FGF14: variants seen among roughly 807,000 people sequenced by gnomAD.
FGF14 encodes fibroblast growth factor homologous factor 4.
A neutral mutation model predicts 25.5 loss-of-function variants in FGF14; 5 were observed. The observed-to-expected ratio is 0.20, with a 90% confidence interval of 0.10 to 0.41. The LOEUF (loss-of-function observed/expected upper bound fraction) is 0.41, where lower values mean the gene tolerates loss of function less well. Among genes scored for constraint, FGF14 ranks in the 10% least tolerant of loss-of-function variants. The pLI, the probability that FGF14 is intolerant of heterozygous loss-of-function variation, is 1.00. For missense variants in FGF14, 222 were observed against 320.1 expected (o/e 0.69, Z 2.34); for synonymous variants, 138 against 118.3 (o/e 1.17, Z -1.08).
chr13:101,830,436 G>C (rs566261615), intron 3 of FGF14, among the ~76,000 whole-genome samples: 1 of 152,154 alleles, frequency 6.6e-6, no homozygotes, highest in South Asian at 2.1e-4. Flanking sequence ...TGCAGCAAAT[G>C]TTTCCAGTAT....
chr13:101,794,214 C>G (rs1401304517), intron 3 of FGF14, among the ~76,000 whole-genome samples: 1 of 151,956 alleles, frequency 6.6e-6, no homozygotes, highest in African/African-American at 2.4e-5. Flanking sequence ...TCTTTCCTGC[C>G]AGTAACTACT....
intron 1 of FGF14, among the ~76,000 whole-genome samples, chr13:102,037,489 G>A (rs1402837788): frequency 6.6e-6 from 1 of 151,924 alleles, no homozygotes; most frequent in African/African-American, 2.4e-5. Context: ...TAATTATAAT[G>A]AGCTGCTTGG....
At chr13:101,913,886 T>G (rs1310498900) in intron 1 of FGF14, among the ~76,000 whole-genome samples, 2 of 152,168 alleles carry the variant, frequency 1.3e-5, no homozygotes, top group Admixed American at 6.6e-5. Flanking sequence ...TCTTATTAAT[T>G]TGTTCCTTTC....
At chr13:102,012,785 A>C (rs922688908) in intron 1 of FGF14, among the ~76,000 whole-genome samples, 3 of 152,086 alleles carry the variant, frequency 2.0e-5, no homozygotes, top group Admixed American at 6.5e-5. Flanking sequence ...GCACTGCCTC[A>C]CTTTCTATTT....
At chr13:102,245,921 A>G (rs1355974122) in intron 1 of FGF14, among the ~76,000 whole-genome samples, 4 of 152,166 alleles carry the variant, frequency 2.6e-5, no homozygotes, top group Admixed American at 1.3e-4. Context: ...AGCAGCTTAC[A>G]GTCTGGTAAA....
chr13:101,908,872 G>A (rs967079086), intron 1 of FGF14, among the ~76,000 whole-genome samples: 21 of 152,142 alleles, frequency 1.4e-4, no homozygotes, highest in Non-Finnish European at 2.8e-4. Flanking sequence ...AAAACAGCAT[G>A]GTACTGGTAC....
At chr13:101,903,461 CAAAT>C (rs1476154472) in intron 1 of FGF14, among the ~76,000 whole-genome samples, 5 of 152,100 alleles carry the variant, frequency 3.3e-5, no homozygotes, top group Non-Finnish European at 5.9e-5. Context: ...TAAGATAAAA[CAAAT>C]AAAAGTGTCT....
chr13:101,988,339 T>C (rs1361122883), intron 1 of FGF14, among the ~76,000 whole-genome samples: 1 of 151,790 alleles, frequency 6.6e-6, no homozygotes, highest in Non-Finnish European at 1.5e-5. Flanking sequence ...GAAAAAGGGG[T>C]AACTGGCTAG....
intron 1 of FGF14, among the ~76,000 whole-genome samples, chr13:102,112,935 C>G (rs1360180315): frequency 2.6e-5 from 4 of 152,116 alleles, no homozygotes; most frequent in Admixed American, 1.3e-4. Context: ...ATAATGCACT[C>G]TAAGACATAG....
chr13:102,366,068 A>G (rs2139068689), intron 1 of FGF14, among the ~76,000 whole-genome samples: 1 of 152,338 alleles, frequency 6.6e-6, no homozygotes, highest in Admixed American at 6.5e-5. Context: ...ATCAATGGTT[A>G]GTGAAAAGGT....
At chr13:102,317,606 C>G (rs1195498500) in intron 1 of FGF14, among the ~76,000 whole-genome samples, 2 of 152,068 alleles carry the variant, frequency 1.3e-5, no homozygotes, top group African/African-American at 2.4e-5. Context: ...TAAACACTTT[C>G]CAAAATATAG....
intron 2 of FGF14, 133 bp from the exon 3 acceptor site, chr13:101,868,961 C>A: frequency 2.9e-6 from 2 of 699,858 alleles, no homozygotes; most frequent in Non-Finnish European, 5.1e-6. Flanking sequence ...AATTAAATAA[C>A]TTATATTTTG....
At chr13:102,301,028 G>C (rs1431037673) in intron 1 of FGF14, among the ~76,000 whole-genome samples, 1 of 151,552 alleles carries the variant, frequency 6.6e-6, no homozygotes, top group African/African-American at 2.4e-5. Context: ...AAAAGAAAAA[G>C]GCTATTAGGC....
intron 1 of FGF14, among the ~76,000 whole-genome samples, chr13:102,189,316 G>A (rs995889724): frequency 1.3e-5 from 2 of 152,196 alleles, no homozygotes; most frequent in African/African-American, 4.8e-5. Context: ...ATTTTGAACA[G>A]AGCAGTGATA....
chr13:101,758,100 A>T (rs1206057113), intron 3 of FGF14, among the ~76,000 whole-genome samples: 1 of 152,252 alleles, frequency 6.6e-6, no homozygotes, highest in Non-Finnish European at 1.5e-5. Context: ...CAGTGTTTGT[A>T]AATTAAATAT....
intron 1 of FGF14, among the ~76,000 whole-genome samples, chr13:101,926,194 C>G (rs996236829): frequency 6.6e-6 from 1 of 152,200 alleles, no homozygotes; most frequent in Non-Finnish European, 1.5e-5. Flanking sequence ...TCTACCACAC[C>G]TACCCTGTAT....
At chr13:102,095,402 C>T (rs905021151) in intron 1 of FGF14, among the ~76,000 whole-genome samples, 2 of 152,110 alleles carry the variant, frequency 1.3e-5, no homozygotes, top group African/African-American at 4.8e-5. Flanking sequence ...TCTTTTACGA[C>T]ATAGGCCCCT....
At chr13:101,734,017 T>C (rs1348749619) in intron 3 of FGF14, among the ~76,000 whole-genome samples, 1 of 151,966 alleles carries the variant, frequency 6.6e-6, no homozygotes, top group East Asian at 1.9e-4. Context: ...CATAAGGAGA[T>C]GTCTGTGTGT....
intron 1 of FGF14, among the ~76,000 whole-genome samples, chr13:102,276,334 T>TAC (rs2053541668): frequency 3.1e-5 from 1 of 32,680 alleles, no homozygotes; most frequent in Admixed American, 4.2e-4. Flanking sequence ...CACACGTACG[T>TAC]GTGTGTGTGT....
Sources: gnomAD v4.1 joint callset for allele counts (sites outside exome capture counted in the v4.1 genomes callset) on GRCh38, gnomAD v4.1.1 for gene constraint, MANE v1.5 for transcripts, NCBI Gene and HGNC (gene_info 2026-07-23, HGNC 2026-07-21) for gene names.